The following NRG1 variants were observed in gnomAD, a reference collection of about 807,000 sequenced individuals.
NRG1 encodes pro-neuregulin-1, membrane-bound isoform.
In NRG1, 18 loss-of-function variants were observed where a neutral mutation model predicts 63.8. The observed-to-expected ratio is 0.28, with a 90% confidence interval of 0.19 to 0.42. NRG1 has a LOEUF of 0.42. Ranked by LOEUF, NRG1 falls within the 10% of genes least tolerant of loss-of-function variation. NRG1 has a pLI of 1.00. For synonymous variants in NRG1, 302 were observed against 301.3 expected, an observed-to-expected ratio of 1.00 and a Z score of -0.02; for missense variants, 762 against 814.7, an observed-to-expected ratio of 0.94 and a Z score of 0.79.
intron 1 of NRG1, among the ~76,000 whole-genome samples, chr8:32,370,905 G>A (rs1808752822): frequency 1.4e-5 from 2 of 143,796 alleles, no homozygotes. Flanking sequence ...CGACAAAACT[G>A]TCTCATGATG....
chr8:32,043,963 AT>A (rs1820515028), intron 1 of NRG1, among the ~76,000 whole-genome samples: 1 of 152,006 alleles, frequency 6.6e-6, no homozygotes, highest in Non-Finnish European at 1.5e-5. Context: ...CTATACTTGC[AT>A]TAAATGTAAA....
intron 2 of NRG1, among the ~76,000 whole-genome samples, chr8:32,604,523 A>G (rs939670814): frequency 2.0e-5 from 3 of 152,256 alleles, no homozygotes; most frequent in Admixed American, 1.3e-4. Context: ...TAAGAGCCCA[A>G]TAAATCACAG....
chr8:32,234,848 C>T (rs371969386), intron 1 of NRG1, among the ~76,000 whole-genome samples: 35 of 152,182 alleles, frequency 2.3e-4, no homozygotes, highest in African/African-American at 7.5e-4. Flanking sequence ...AATTCTCGCT[C>T]ATAGAAATCT....
intron 1 of NRG1, among the ~76,000 whole-genome samples, chr8:32,369,628 A>G (rs997733882): frequency 6.6e-6 from 1 of 152,204 alleles, no homozygotes; most frequent in Non-Finnish European, 1.5e-5. Flanking sequence ...TGTTGGAAGG[A>G]GGATGATGTG....
intron 1 of NRG1, among the ~76,000 whole-genome samples, chr8:32,295,866 G>T (rs1186687110): frequency 6.6e-6 from 1 of 151,562 alleles, no homozygotes; most frequent in African/African-American, 2.4e-5. Flanking sequence ...GAACCCGGGA[G>T]GCGGAGGTTG....
intron 4 of NRG1, 49 bp from the exon 5 acceptor site, chr8:32,616,786 C>A: frequency 6.8e-7 from 1 of 1,475,680 alleles, no homozygotes; most frequent in Non-Finnish European, 9.5e-7. Context: ...ATTTATGAGT[C>A]CAAGCAGCAT....
At chr8:32,752,822 C>A (rs1370032225) in intron 7 of NRG1, among the ~76,000 whole-genome samples, 7 of 150,952 alleles carry the variant, frequency 4.6e-5, no homozygotes, top group Non-Finnish European at 7.4e-5. Context: ...ACTGACTTCT[C>A]TTTTCCTTCT....
At chr8:31,717,363 C>G (rs973435570) in intron 1 of NRG1, among the ~76,000 whole-genome samples, 1 of 148,634 alleles carries the variant, frequency 6.7e-6, no homozygotes, top group African/African-American at 2.5e-5. Context: ...GCCAAGATGG[C>G]ACTACTGCAC....
At chr8:32,502,243 AG>A (rs920058320) in intron 1 of NRG1, among the ~76,000 whole-genome samples, 1 of 151,706 alleles carries the variant, frequency 6.6e-6, no homozygotes, top group African/African-American at 2.4e-5. Context: ...ACAGAGGGTA[AG>A]GGGTCAGGTG....
intron 1 of NRG1, among the ~76,000 whole-genome samples, chr8:32,283,368 C>A (rs890094147): frequency 1.3e-5 from 2 of 152,132 alleles, no homozygotes; most frequent in African/African-American, 4.8e-5. Context: ...AGCTAGTTAA[C>A]ATCAAGAGGA....
At chr8:31,778,120 T>G (rs1211215519) in intron 1 of NRG1, among the ~76,000 whole-genome samples, 1 of 152,178 alleles carries the variant, frequency 6.6e-6, no homozygotes, top group Admixed American at 6.5e-5. Flanking sequence ...CATCTAAAAC[T>G]TGAGTAATTT....
Position 32,412,293 on chromosome 8 carries a change from C to T in NRG1, c.38-183535C>T, listed in dbSNP as rs529483046. On this transcript the variant is annotated intron_variant, in intron 1 of 10. Transcript: ENST00000519301. ...GGCCTTCAGATTTAGACTGAAACTA[C>T]ACTATCAGCATTCCTGAGTCTCCAA... is the stretch of plus-strand genomic sequence containing the variant. Among the ~76,000 whole-genome samples the T allele has an allele frequency of 2.6e-5, 4 of 151,802 alleles. No individual in the cohort carries two copies. The East Asian group carries it at 5.8e-4, about 22-fold the overall frequency.
chr8:31,960,279 T>G lies in NRG1; in HGVS notation c.37+320848T>G, dbSNP rs532601262. Among the ~76,000 whole-genome samples, 16 of 152,282 alleles carry G rather than the reference T, an allele frequency of 1.1e-4. 1 individual carries two copies. The South Asian group carries it at 3.1e-3, about 30-fold the overall frequency. ...GCAGTGTTGTTATTCTAGGCTATCC[T>G]TTATGAGGTTGGGGTTCTTCCCTGA... On this transcript the variant is annotated intron_variant, in intron 1 of 10. Coordinates refer to the NRG1 transcript ENST00000519301.
At chr8:31,853,588 T>C (rs1827497886) in intron 1 of NRG1, among the ~76,000 whole-genome samples, 1 of 151,014 alleles carries the variant, frequency 6.6e-6, no homozygotes, top group African/African-American at 2.4e-5. Context: ...CTTTTCCTAA[T>C]TGAATACCCT....
chr8:31,664,770 G>A (rs1185736163), intron 1 of NRG1, among the ~76,000 whole-genome samples: 7 of 152,296 alleles, frequency 4.6e-5, no homozygotes, highest in South Asian at 2.1e-4. Flanking sequence ...AAAGGAACAA[G>A]CTACAGTTAA....
chr8:32,213,436 T>C (rs1340034937), intron 1 of NRG1, among the ~76,000 whole-genome samples: 1 of 151,682 alleles, frequency 6.6e-6, no homozygotes, highest in African/African-American at 2.4e-5. Flanking sequence ...CACAGGAGGG[T>C]AACAACACAC....
chr8:32,591,666 TATTA>T (rs944928268), intron 1 of NRG1, among the ~76,000 whole-genome samples: 10 of 152,222 alleles, frequency 6.6e-5, no homozygotes, highest in African/African-American at 1.9e-4. Context: ...GTAATGTTAT[TATTA>T]ATTAAATTTA....
intron 1 of NRG1, among the ~76,000 whole-genome samples, chr8:32,086,996 C>G (rs113477690): frequency 6.6e-6 from 1 of 152,162 alleles, no homozygotes; most frequent in East Asian, 1.9e-4. Flanking sequence ...TAGCATCTGA[C>G]GTAACTGAAA....
chr8:32,238,445 G>GAA (rs111889956), intron 1 of NRG1, among the ~76,000 whole-genome samples: 14 of 106,388 alleles, frequency 1.3e-4, no homozygotes, highest in Admixed American at 3.7e-4. Flanking sequence ...TTCTCAAAAA[G>GAA]AAAAAAAAAA....
Sources: gnomAD v4.1 joint callset for allele counts (sites outside exome capture counted in the v4.1 genomes callset) on GRCh38, gnomAD v4.1.1 for gene constraint, MANE v1.5 for transcripts, NCBI Gene and HGNC (gene_info 2026-07-23, HGNC 2026-07-21) for gene names.